SHISAL1: variants seen among roughly 807,000 people sequenced by gnomAD.
SHISAL1 encodes the protein shisa like 1, also known as protein shisa-like-1.
In SHISAL1, 9 loss-of-function variants were observed where a neutral mutation model predicts 22.6. The ratio of observed to expected loss-of-function variants is 0.40; its 90% CI spans 0.24 to 0.70. The LOEUF is 0.70. SHISAL1 is among the 30% of genes least tolerant of loss of function. The pLI, the probability that SHISAL1 is intolerant of heterozygous loss-of-function variation, is 0.39. For missense variants in SHISAL1, 246 were observed against 270.6 expected (o/e 0.91, Z 0.64); for synonymous variants, 119 against 115.4 (o/e 1.03, Z -0.20).
chr22:44,280,257 G>T (rs577640828), intron 4 of SHISAL1, among the ~76,000 whole-genome samples: 18 of 152,298 alleles, frequency 1.2e-4, no homozygotes, highest in Non-Finnish European at 2.4e-4. Flanking sequence ...AGTGAGGTGG[G>T]GGGAGGCTCT....
chr22:44,323,918 C>T, the SHISAL1 span, among the ~76,000 whole-genome samples: 1 of 152,174 alleles, frequency 6.6e-6, no homozygotes, highest in Non-Finnish European at 1.5e-5. Context: ...CCGTCTGCAC[C>T]AAACACATTC....
intron 3 of SHISAL1, among the ~76,000 whole-genome samples, chr22:44,286,159 T>C (rs532972276): frequency 6.6e-6 from 1 of 152,262 alleles, no homozygotes; most frequent in Non-Finnish European, 1.5e-5. Flanking sequence ...TTGCCTACAT[T>C]GTTCCTGGCA....
chr22:44,317,255 C>T (rs2055563748), upstream of SHISAL1, among the ~76,000 whole-genome samples: 1 of 152,192 alleles, frequency 6.6e-6, no homozygotes, highest in Non-Finnish European at 1.5e-5. Context: ...GAAGGACGTG[C>T]CTCTCGAATG....
intron 4 of SHISAL1, among the ~76,000 whole-genome samples, chr22:44,264,717 C>T (rs1359439668): frequency 1.3e-5 from 2 of 152,158 alleles, no homozygotes; most frequent in Non-Finnish European, 2.9e-5. Flanking sequence ...AGGTCCCCAA[C>T]ACACACACAA....
chr22:44,309,977 C>T (rs1280299044), intron 1 of SHISAL1, among the ~76,000 whole-genome samples: 2 of 152,206 alleles, frequency 1.3e-5, no homozygotes, highest in Non-Finnish European at 2.9e-5. Context: ...GACATCTTTC[C>T]TCGCTGTGCT....
chr22:44,270,687 A>C (rs1317844120), intron 4 of SHISAL1, among the ~76,000 whole-genome samples: 1 of 152,038 alleles, frequency 6.6e-6, no homozygotes, highest in Non-Finnish European at 1.5e-5. Context: ...GATGGTCGGA[A>C]AGAAGAGCCG....
chr22:44,290,284 C>T (rs183916777), intron 3 of SHISAL1, among the ~76,000 whole-genome samples: 1 of 152,276 alleles, frequency 6.6e-6, no homozygotes, highest in Non-Finnish European at 1.5e-5. Context: ...AATCCCAGCA[C>T]TCTGGGAGGC....
the SHISAL1 span, among the ~76,000 whole-genome samples, chr22:44,319,666 T>C: frequency 2.0e-5 from 3 of 152,232 alleles, no homozygotes; most frequent in Non-Finnish European, 2.9e-5. Context: ...ACTGCTCCCT[T>C]CGGGGACAAT....
Position 44,285,779 on chromosome 22 carries a change from A to G in SHISAL1, c.282-34T>C, listed in dbSNP as rs756759403. The G allele has an allele frequency of 3.2e-6, 5 of 1,552,778 alleles. No homozygotes were observed. In the African/African-American group the frequency reaches 4.1e-5, roughly 13 times the overall value. On this transcript the variant is annotated intron_variant, in intron 3 of 4. Coordinates refer to ENST00000381176, the MANE Select transcript of SHISAL1 (RefSeq NM_001099294.2). ...AAACAGAGAGGGAGTGAGCAAGCAG[A>G]GGGGAGCAGTCCAGCTCAGGCCGGC...
chr22:44,258,680 T>C (rs1446902308), intron 4 of SHISAL1, among the ~76,000 whole-genome samples: 2 of 152,178 alleles, frequency 1.3e-5, no homozygotes, highest in Non-Finnish European at 2.9e-5. Flanking sequence ...TTGTAGTCCA[T>C]GGTGTATACA....
upstream of SHISAL1, among the ~76,000 whole-genome samples, chr22:44,313,411 G>T (rs537941610): frequency 6.6e-6 from 1 of 152,200 alleles, no homozygotes; most frequent in Non-Finnish European, 1.5e-5. Context: ...GCTGGGACCC[G>T]AGAGCCCACA....
chr22:44,314,355 C>T (rs1293166573), upstream of SHISAL1, among the ~76,000 whole-genome samples: 4 of 152,000 alleles, frequency 2.6e-5, no homozygotes, highest in Admixed American at 2.6e-4. Context: ...CGCTTCTCAG[C>T]TGTGTGATCC....
chr22:44,318,319 G>A, the SHISAL1 span, among the ~76,000 whole-genome samples: 3 of 152,260 alleles, frequency 2.0e-5, no homozygotes, highest in Admixed American at 6.5e-5. Context: ...TTGCTTTGGG[G>A]GAGTGTTGGC....
At chr22:44,262,971 G>T (rs1370370046) in intron 4 of SHISAL1, among the ~76,000 whole-genome samples, 1 of 152,116 alleles carries the variant, frequency 6.6e-6, no homozygotes, top group Non-Finnish European at 1.5e-5. Context: ...GTGAACTGGA[G>T]ACAATGTGTT....
intron 2 of SHISAL1, among the ~76,000 whole-genome samples, chr22:44,300,387 G>A (rs1244713089): frequency 2.0e-5 from 3 of 152,192 alleles, no homozygotes; most frequent in African/African-American, 7.2e-5. Flanking sequence ...CTTAGTTTGT[G>A]CTCATCCTTG....
At chr22:44,284,897 G>GCCTGCCTGCCTGCCTTCCTT (rs570595554) in intron 4 of SHISAL1, among the ~76,000 whole-genome samples, 4,056 of 134,450 alleles carry the variant, frequency 0.03, 89 homozygotes, top group African/African-American at 0.046. Flanking sequence ...CTGCCTTCCT[G>GCCTGCCTGCCTGCCTTCCTT]CCTTCCTTCC....
intron 4 of SHISAL1, among the ~76,000 whole-genome samples, chr22:44,282,575 G>T (rs149901871): frequency 6.6e-6 from 1 of 152,234 alleles, no homozygotes. Flanking sequence ...TGAGGAGCTG[G>T]AGAAGCTGGA....
intron 1 of SHISAL1, among the ~76,000 whole-genome samples, chr22:44,309,550 G>C (rs929458379): frequency 6.6e-6 from 1 of 151,982 alleles, no homozygotes; most frequent in Non-Finnish European, 1.5e-5. Flanking sequence ...CAGTCTCTCT[G>C]TTACACAGAT....
At chr22:44,298,376 T>A (rs2055402287) in intron 2 of SHISAL1, among the ~76,000 whole-genome samples, 1 of 152,178 alleles carries the variant, frequency 6.6e-6, no homozygotes, top group South Asian at 2.1e-4. Flanking sequence ...GAAATGCAGA[T>A]TCTCAGGCCA....
Sources: gnomAD v4.1 joint callset for allele counts (sites outside exome capture counted in the v4.1 genomes callset) on GRCh38, gnomAD v4.1.1 for gene constraint, MANE v1.5 for transcripts, NCBI Gene and HGNC (gene_info 2026-07-23, HGNC 2026-07-21) for gene names.